Variants in SMOC2 observed in about 807,000 individuals in gnomAD.
The protein encoded by SMOC2 is SPARC related modular calcium binding 2.
Under a neutral mutation model 61.4 loss-of-function variants are expected in SMOC2, and 39 were observed. The ratio of observed to expected loss-of-function variants is 0.64; its 90% CI spans 0.49 to 0.83. SMOC2 has a LOEUF of 0.83. Ranked by LOEUF, SMOC2 falls within the 40% of genes least tolerant of loss-of-function variation. The pLI, the probability that SMOC2 is intolerant of heterozygous loss-of-function variation, is 0.00. For synonymous variants in SMOC2, 247 were observed against 239.9 expected, an observed-to-expected ratio of 1.03 and a Z score of -0.27; for missense variants, 556 against 592.9, an observed-to-expected ratio of 0.94 and a Z score of 0.65.
chr6:168,559,939 A>G (rs910388482), intron 7 of SMOC2, among the ~76,000 whole-genome samples: 9 of 152,200 alleles, frequency 5.9e-5, no homozygotes, highest in African/African-American at 2.2e-4. Context: ...TATAGTTACA[A>G]TCAAGGCAAT....
At chr6:168,517,275 G>A (rs905856180) in intron 2 of SMOC2, among the ~76,000 whole-genome samples, 3 of 152,338 alleles carry the variant, frequency 2.0e-5, no homozygotes, top group African/African-American at 7.2e-5. Flanking sequence ...GGACCACTCT[G>A]CCCCTGTGGC....
chr6:168,606,963 G>A (rs1238313877), intron 8 of SMOC2, among the ~76,000 whole-genome samples: 1 of 152,138 alleles, frequency 6.6e-6, no homozygotes, highest in East Asian at 1.9e-4. Context: ...GAGCCGCCAT[G>A]CAGCATGAGG....
At chr6:168,474,741 C>T (rs984765976) in intron 1 of SMOC2, among the ~76,000 whole-genome samples, 1 of 152,096 alleles carries the variant, frequency 6.6e-6, no homozygotes, top group Non-Finnish European at 1.5e-5. Flanking sequence ...CAGTGACGAG[C>T]CCAGCAGAAC....
rs113771893 is a variant in SMOC2, at chr6:168,475,795, G to T, written c.85-34120G>T. On this transcript the variant is annotated intron_variant, in intron 1 of 12. Coordinates refer to ENST00000356284, the MANE Select transcript of SMOC2 (RefSeq NM_001166412.2). The surrounding 1 kb of genome is among the most constrained non-coding windows in gnomAD (Gnocchi z 4.6). ...GGCAGGAGAGGGAGACAACGTCTCCGGAGCCAGTGGGTGGGAGCCGCAGGG... is the reference window on the plus strand; with the variant it reads ...GGCAGGAGAGGGAGACAACGTCTCCTGAGCCAGTGGGTGGGAGCCGCAGGG... Among the ~76,000 whole-genome samples the T allele has an allele frequency of 6.6e-6, 1 of 152,080 alleles. No homozygotes were observed. Among genetic ancestry groups the T allele is most frequent in the African/African-American group, 2.4e-5 (1 of 41,438 alleles).
Position 168,475,655 on chromosome 6 carries a change from G to C in SMOC2, c.84+34201G>C, listed in dbSNP as rs972352153. Among the ~76,000 whole-genome samples the C allele has an allele frequency of 9.2e-5, 14 of 152,138 alleles. 1 individual carries two copies. Among genetic ancestry groups the C allele is most frequent in the African/African-American group, 3.4e-4 (14 of 41,444 alleles). On this transcript the variant is annotated intron_variant, in intron 1 of 12. Transcript: ENST00000356284. This position sits in a 1 kb window ranked among gnomAD's most constrained non-coding sequence, Gnocchi z 4.6. ...AGCGGGGACAGAGGACGAGAACTGA[G>C]ACCTGCTTCCCACGCGTCTGTGGCC... is the stretch of plus-strand genomic sequence containing the variant.
At chr6:168,514,461 C>CA (rs562585779) in intron 2 of SMOC2, among the ~76,000 whole-genome samples, 70 of 152,338 alleles carry the variant, frequency 4.6e-4, no homozygotes, top group Middle Eastern at 3.4e-3. Context: ...GAGCCAGGTA[C>CA]ATGGCTTGAA....
At chr6:168,613,669 A>G (rs1414330094) in intron 9 of SMOC2, among the ~76,000 whole-genome samples, 1 of 136,604 alleles carries the variant, frequency 7.3e-6, no homozygotes, top group Admixed American at 7.3e-5. Context: ...GCCTCTTCAC[A>G]CCTACAGCCA....
At chr6:168,497,089 G>A (rs1782608828) in intron 1 of SMOC2, among the ~76,000 whole-genome samples, 1 of 152,182 alleles carries the variant, frequency 6.6e-6, no homozygotes, top group Admixed American at 6.5e-5. Context: ...CTATGCGAGA[G>A]CCCTGGGGCT....
At chr6:168,651,666 ACTGT>A (rs1424199259) in intron 10 of SMOC2, among the ~76,000 whole-genome samples, 1 of 152,082 alleles carries the variant, frequency 6.6e-6, no homozygotes, top group Non-Finnish European at 1.5e-5. Flanking sequence ...CTCTCCTCTC[ACTGT>A]CTGTCTGCTA....
intron 3 of SMOC2, 24 bp from the exon 4 acceptor site, chr6:168,527,604 T>C (rs1490446116): frequency 3.9e-6 from 6 of 1,534,098 alleles, no homozygotes; most frequent in Non-Finnish European, 4.4e-6. Context: ...CGGGAGGGCT[T>C]ACCCGTCCTG....
intron 1 of SMOC2, among the ~76,000 whole-genome samples, chr6:168,490,951 T>G (rs1264658885): frequency 6.6e-6 from 1 of 152,062 alleles, no homozygotes; most frequent in Non-Finnish European, 1.5e-5. Context: ...GGGCGGCTGG[T>G]CTCACTCATT....
chr6:168,608,844 C>T (rs1036965316), intron 9 of SMOC2, among the ~76,000 whole-genome samples: 6 of 152,084 alleles, frequency 3.9e-5, no homozygotes, highest in Admixed American at 1.3e-4. Context: ...ATCTTTTTTT[C>T]TCTAAATATC....
At chr6:168,445,902 A>C (rs1781322173) in intron 1 of SMOC2, among the ~76,000 whole-genome samples, 1 of 152,244 alleles carries the variant, frequency 6.6e-6, no homozygotes, top group African/African-American at 2.4e-5. Context: ...ATGGGCATGG[A>C]TGTAACGTCA....
At chr6:168,657,578 C>G (rs544507105) in intron 11 of SMOC2, among the ~76,000 whole-genome samples, 1 of 152,322 alleles carries the variant, frequency 6.6e-6, no homozygotes, top group African/African-American at 2.4e-5. Context: ...CCCGATACTG[C>G]TTTTGGCTTC....
Position 168,590,556 on chromosome 6 carries a change from C to T in SMOC2, c.638-8262C>T, listed in dbSNP as rs79372515. 2.1e-3 allele frequency among the ~76,000 whole-genome samples: 317 copies of T among 151,988 alleles called. 2 individuals carry two copies. Among genetic ancestry groups the T allele is most frequent in the African/African-American group, 7.3e-3 (304 of 41,506 alleles). ...CTGCTGGAAGCTGAGCAAGAACTCT[C>T]CAAATGTTGATGCAAAGCCCCTAAG... On this transcript the variant is annotated intron_variant, in intron 7 of 12. Transcript: ENST00000356284.
chr6:168,651,972 C>T (rs9455471), intron 10 of SMOC2, among the ~76,000 whole-genome samples: 5 of 149,220 alleles, frequency 3.4e-5, no homozygotes, highest in Admixed American at 6.8e-5. Context: ...ACCTGGGAGG[C>T]GGAGATTGCA....
Position 168,667,814 on chromosome 6 carries a change from T to C in SMOC2, c.*1376T>C, listed in dbSNP as rs956992070. ...TGGAGCATCGCGTAAGGCTTCTTGC[T>C]TATTTAAACTGTGCAAGGTAAAAAT... On this transcript the variant is annotated 3_prime_UTR_variant, in exon 13 of 13. Transcript: ENST00000356284. The C allele has an allele frequency of 6.6e-6, 1 of 152,226 alleles. No individual in the cohort carries two copies. Among genetic ancestry groups the C allele is most frequent in the Non-Finnish European group, 1.5e-5 (1 of 68,046 alleles). 9.4% of individuals were successfully genotyped at this position (152,226 alleles called of 1,614,324 possible).
At position 168,666,418 on chromosome 6, in the gene SMOC2, C is replaced by A; in HGVS notation, c.1324-3C>A. The stretch of plus-strand genomic sequence containing the variant: ...TGTCTCTTTTTTGTTTTTTCCTTTT[C>A]AGCCAAGGAAACAAGGATAAATGGC... On this transcript the variant is annotated splice_polypyrimidine_tract_variant and splice_region_variant and intron_variant, in intron 12 of 12. Coordinates refer to ENST00000356284, the MANE Select transcript of SMOC2 (RefSeq NM_001166412.2). 1 of 1,613,696 alleles carries A rather than the reference C, an allele frequency of 6.2e-7. No individual in the cohort carries two copies. Among genetic ancestry groups the A allele is most frequent in the South Asian group, 1.1e-5 (1 of 91,060 alleles).
intron 1 of SMOC2, among the ~76,000 whole-genome samples, chr6:168,483,746 A>T (rs557615922): frequency 3.3e-5 from 5 of 152,164 alleles, no homozygotes; most frequent in Admixed American, 3.3e-4. Context: ...GCATAAAGAC[A>T]GATGTATAGA....
Sources: gnomAD v4.1 joint callset for allele counts (sites outside exome capture counted in the v4.1 genomes callset) on GRCh38, gnomAD v4.1.1 for gene constraint, Gnocchi (gnomAD v3.1) non-coding constraint, MANE v1.5 for transcripts, NCBI Gene and HGNC (gene_info 2026-07-23, HGNC 2026-07-21) for gene names.